Variants in MAPK10 observed in about 807,000 individuals in gnomAD.
MAPK10 encodes JNK3 alpha protein kinase.
Under a neutral mutation model 59.3 loss-of-function variants are expected in MAPK10, and 25 were observed. The ratio of observed to expected loss-of-function variants is 0.42; its 90% CI spans 0.31 to 0.59. MAPK10 has a LOEUF of 0.59. MAPK10 is among the 20% of genes least tolerant of loss of function. MAPK10 has a pLI of 0.15. For missense variants in MAPK10, 351 were observed against 568.9 expected (o/e 0.62, Z 3.90); for synonymous variants, 190 against 200.5 (o/e 0.95, Z 0.44).
intron 2 of MAPK10, among the ~76,000 whole-genome samples, chr4:86,225,932 A>T (rs555561786): frequency 1.6e-3 from 244 of 152,352 alleles, no homozygotes; most frequent in Middle Eastern, 3.4e-3. Flanking sequence ...AGACATGGAC[A>T]TGGACATGCA....
chr4:86,024,221 A>G (rs1453797519), intron 13 of MAPK10: 4 of 152,186 alleles, frequency 2.6e-5, no homozygotes, highest in Admixed American at 6.5e-5. Context: ...ACAAATAAAC[A>G]CAAACCCACA....
chr4:86,058,226 G>A (rs2148974327), intron 11 of MAPK10, among the ~76,000 whole-genome samples: 1 of 149,774 alleles, frequency 6.7e-6, no homozygotes, highest in African/African-American at 2.5e-5. Context: ...CTCTCCAGAG[G>A]AATTGTGCTC....
intron 1 of MAPK10, among the ~76,000 whole-genome samples, chr4:86,572,048 A>T (rs1761500480): frequency 6.6e-6 from 1 of 152,082 alleles, no homozygotes; most frequent in African/African-American, 2.4e-5. Flanking sequence ...GTATATATGT[A>T]CATTTAACTC....
chr4:86,577,048 A>C (rs1578163691), intron 1 of MAPK10, among the ~76,000 whole-genome samples: 1 of 152,336 alleles, frequency 6.6e-6, no homozygotes, highest in African/African-American at 2.4e-5. Context: ...TTACACATGT[A>C]ATCGCAGCTC....
intron 2 of MAPK10, among the ~76,000 whole-genome samples, chr4:86,274,990 C>T (rs1253235550): frequency 6.6e-6 from 1 of 151,950 alleles, no homozygotes; most frequent in South Asian, 2.1e-4. Flanking sequence ...TTTACATATA[C>T]AAGCACACTT....
chr4:86,239,957 AG>A (rs2092599324), intron 2 of MAPK10, among the ~76,000 whole-genome samples: 1 of 151,988 alleles, frequency 6.6e-6, no homozygotes, highest in Admixed American at 6.6e-5. Flanking sequence ...TGTTGATCTG[AG>A]ATCTTTCTAG....
At chr4:86,073,251 A>AT (rs1170051401) in intron 9 of MAPK10, among the ~76,000 whole-genome samples, 1 of 143,720 alleles carries the variant, frequency 7.0e-6, no homozygotes, top group African/African-American at 2.6e-5. Context: ...CCCCTTTATC[A>AT]TTTTTTATTG....
intron 13 of MAPK10, among the ~76,000 whole-genome samples, chr4:86,026,075 G>T (rs1278647676): frequency 6.6e-6 from 1 of 152,162 alleles, no homozygotes; most frequent in Non-Finnish European, 1.5e-5. Flanking sequence ...GGTCCTCACT[G>T]GGGAGAGAAT....
intron 2 of MAPK10, among the ~76,000 whole-genome samples, chr4:86,278,570 T>C (rs1024459584): frequency 6.6e-6 from 1 of 152,138 alleles, no homozygotes; most frequent in Non-Finnish European, 1.5e-5. Context: ...ATTTACTAAA[T>C]ATTGGAAGTG....
At chr4:86,171,876 T>C (rs1277904931) in intron 3 of MAPK10, among the ~76,000 whole-genome samples, 5 of 150,676 alleles carry the variant, frequency 3.3e-5, no homozygotes, top group Admixed American at 3.3e-4. Context: ...CAAACAAATT[T>C]ACAAGAAAAA....
chr4:86,394,046 G>A (rs538719073), intron 1 of MAPK10, among the ~76,000 whole-genome samples: 37 of 152,204 alleles, frequency 2.4e-4, no homozygotes, highest in Admixed American at 8.5e-4. Context: ...CGAGGTAGGC[G>A]GATCACCTGA....
intron 1 of MAPK10, among the ~76,000 whole-genome samples, chr4:86,474,525 A>G (rs1259979640): frequency 6.6e-6 from 1 of 152,222 alleles, no homozygotes; most frequent in Non-Finnish European, 1.5e-5. Context: ...TTCAATTATA[A>G]ATTGTCTTTG....
intron 1 of MAPK10, among the ~76,000 whole-genome samples, chr4:86,550,896 C>G (rs2149099883): frequency 6.6e-6 from 1 of 152,280 alleles, no homozygotes; most frequent in South Asian, 2.1e-4. Context: ...AGTACCCTGG[C>G]AGGGGAAGAA....
At chr4:86,501,259 T>G (rs1755303239) in intron 1 of MAPK10, among the ~76,000 whole-genome samples, 1 of 152,056 alleles carries the variant, frequency 6.6e-6, no homozygotes, top group Non-Finnish European at 1.5e-5. Context: ...TGAGTTTCTC[T>G]GTGCCCTATG....
At chr4:86,308,235 T>C (rs1025319284) in intron 2 of MAPK10, among the ~76,000 whole-genome samples, 4 of 152,142 alleles carry the variant, frequency 2.6e-5, no homozygotes, top group African/African-American at 9.6e-5. Context: ...ACTCCTCTAT[T>C]TGTGATCTTT....
chr4:86,194,084 C>G, intron 3 of MAPK10: 1 of 465,274 alleles, frequency 2.1e-6, no homozygotes, highest in East Asian at 4.0e-5. Flanking sequence ...CACCCACTCT[C>G]TAACCTTTCC....
At chr4:86,274,268 G>C (rs1282751989) in intron 2 of MAPK10, among the ~76,000 whole-genome samples, 1 of 151,868 alleles carries the variant, frequency 6.6e-6, no homozygotes, top group Non-Finnish European at 1.5e-5. Flanking sequence ...TTATTCTAAA[G>C]TATTTCAGAA....
At position 86,035,983 on chromosome 4, in the gene MAPK10, A is replaced by G. The variant is rs13146800; in HGVS notation, c.1111-4552T>C. The stretch of plus-strand genomic sequence containing the variant: ...ATGTGGGTATAGAGAGTAAATGGCC[A>G]AATTAAAATTTAAAGATTGGACAGA... On this transcript the variant is annotated intron_variant, in intron 11 of 13. Transcript: ENST00000641462. 2.7e-3 allele frequency among the ~76,000 whole-genome samples: 415 copies of G among 152,328 alleles called. 1 individual carries two copies. Among genetic ancestry groups the G allele is most frequent in the Non-Finnish European group, 3.4e-3 (230 of 68,028 alleles).
chr4:86,161,845 C>G (rs921924044), intron 3 of MAPK10, among the ~76,000 whole-genome samples: 1 of 152,012 alleles, frequency 6.6e-6, no homozygotes. Flanking sequence ...TATTGTGGCA[C>G]GGCCCTGTGC....
Sources: gnomAD v4.1 joint callset for allele counts (sites outside exome capture counted in the v4.1 genomes callset) on GRCh38, gnomAD v4.1.1 for gene constraint, MANE v1.5 for transcripts, NCBI Gene and HGNC (gene_info 2026-07-23, HGNC 2026-07-21) for gene names.